Variants in ANO10 observed in about 807,000 individuals in gnomAD.
ANO10 encodes anoctamin-10.
A neutral mutation model predicts 74.7 loss-of-function variants in ANO10; 77 were observed. That is an observed-to-expected ratio of 1.03 (90% CI 0.86 to 1.25). The LOEUF (loss-of-function observed/expected upper bound fraction) is 1.25. Ranked by LOEUF, ANO10 falls within the 50% of genes most tolerant of loss-of-function variation. The probability of loss-of-function intolerance (pLI) is 0.00; values close to 1 mark genes in which losing one functional copy is unlikely to be tolerated. For missense variants in ANO10, 721 were observed against 778.1 expected (o/e 0.93, Z 0.87); for synonymous variants, 279 against 284.9 (o/e 0.98, Z 0.21).
At chr3:43,568,830 A>G (rs2080523761) in intron 7 of ANO10, among the ~76,000 whole-genome samples, 1 of 148,166 alleles carries the variant, frequency 6.7e-6, no homozygotes, top group Admixed American at 6.7e-5. Context: ...AGAAATAACT[A>G]AAATCAGAGC....
At chr3:43,626,027 G>C (rs1031062720), upstream of ANO10, among the ~76,000 whole-genome samples, 1 of 151,634 alleles carries the variant, frequency 6.6e-6, no homozygotes, top group Admixed American at 6.6e-5. Context: ...TCCGCCTCAC[G>C]GGTTCAAATG....
intron 9 of ANO10, among the ~76,000 whole-genome samples, chr3:43,556,258 TACC>T (rs2079744134): frequency 2.6e-5 from 4 of 152,240 alleles, no homozygotes; most frequent in Non-Finnish European, 4.4e-5. Flanking sequence ...GAAATCCTGA[TACC>T]CTATGCTCAG....
intron 4 of ANO10, among the ~76,000 whole-genome samples, chr3:43,592,622 T>A (rs906061489): frequency 6.6e-6 from 1 of 152,126 alleles, no homozygotes; most frequent in Non-Finnish European, 1.5e-5. Context: ...AGACCAAAGA[T>A]AGATAAAATC....
At chr3:43,419,038 T>TA (rs2092783065) in intron 12 of ANO10, among the ~76,000 whole-genome samples, 1 of 152,250 alleles carries the variant, frequency 6.6e-6, no homozygotes. Context: ...TGCCAACTCC[T>TA]AGCCCAGAGA....
At chr3:43,646,202 C>A (rs2149566026) in intron 1 of ANO10, among the ~76,000 whole-genome samples, 1 of 152,318 alleles carries the variant, frequency 6.6e-6, no homozygotes, top group South Asian at 2.1e-4. Flanking sequence ...TATAGATTAG[C>A]TTGTTTTAGT....
chr3:43,616,006 A>T (rs1017530521), intron 1 of ANO10, among the ~76,000 whole-genome samples: 1 of 152,178 alleles, frequency 6.6e-6, no homozygotes, highest in Non-Finnish European at 1.5e-5. Flanking sequence ...TTTCTTCACC[A>T]GATTAAAAGC....
intron 1 of ANO10, among the ~76,000 whole-genome samples, chr3:43,633,147 G>A (rs1411312761): frequency 1.3e-5 from 2 of 152,030 alleles, no homozygotes; most frequent in Non-Finnish European, 2.9e-5. Flanking sequence ...GACCTATCTC[G>A]TCCCCCCGGA....
chr3:43,422,403 C>G (rs2092833531), intron 12 of ANO10, among the ~76,000 whole-genome samples: 1 of 152,236 alleles, frequency 6.6e-6, no homozygotes, highest in African/African-American at 2.4e-5. Context: ...GTGTTAGCCA[C>G]CGCGCCCACC....
intron 1 of ANO10, among the ~76,000 whole-genome samples, chr3:43,654,974 CTT>C: frequency 6.6e-6 from 1 of 152,216 alleles, no homozygotes; most frequent in Non-Finnish European, 1.5e-5. Context: ...TGGTCACTGA[CTT>C]TATCTTTCTT....
chr3:43,547,578 G>A (rs936875380), intron 11 of ANO10, among the ~76,000 whole-genome samples: 1 of 152,082 alleles, frequency 6.6e-6, no homozygotes, highest in Admixed American at 6.5e-5. Context: ...AATGTGAAGA[G>A]ACAATAAATA....
intron 12 of ANO10, among the ~76,000 whole-genome samples, chr3:43,417,616 G>C (rs536237125): frequency 3.9e-5 from 6 of 151,944 alleles, no homozygotes; most frequent in Admixed American, 1.3e-4. Context: ...AATTTTCTTG[G>C]TGCAAGACGA....
intron 12 of ANO10, 119 bp downstream of exon 12, chr3:43,432,492 T>C (rs1431293582): frequency 2.3e-6 from 2 of 855,560 alleles, no homozygotes; most frequent in Non-Finnish European, 3.9e-6. Context: ...TGGAGTCCTC[T>C]GTATTCATTT....
intron 1 of ANO10, among the ~76,000 whole-genome samples, chr3:43,648,588 A>G (rs2083751443): frequency 6.6e-6 from 1 of 151,114 alleles, no homozygotes; most frequent in African/African-American, 2.4e-5. Context: ...GTAAACTGTC[A>G]TGGTGCTGGT....
At chr3:43,469,453 T>G (rs2075765825) in intron 11 of ANO10, among the ~76,000 whole-genome samples, 1 of 152,228 alleles carries the variant, frequency 6.6e-6, no homozygotes, top group Non-Finnish European at 1.5e-5. Flanking sequence ...GCACATGACC[T>G]GTCAAGAATC....
intron 11 of ANO10, among the ~76,000 whole-genome samples, chr3:43,513,037 A>T (rs2077569381): frequency 1.3e-5 from 2 of 152,212 alleles, no homozygotes; most frequent in African/African-American, 4.8e-5. Context: ...AAGAAGACAG[A>T]GCTGCAGAGC....
intron 12 of ANO10, among the ~76,000 whole-genome samples, chr3:43,374,949 C>T (rs1359081181): frequency 7.3e-5 from 11 of 150,858 alleles, no homozygotes; most frequent in East Asian, 2.0e-4. Context: ...AGTGAAACTC[C>T]GTCTCTACTA....
intron 9 of ANO10, among the ~76,000 whole-genome samples, chr3:43,556,006 A>G (rs1479261306): frequency 6.6e-6 from 1 of 152,238 alleles, no homozygotes; most frequent in Non-Finnish European, 1.5e-5. Flanking sequence ...CATAAACCTC[A>G]GAACTGGCAG....
chr3:43,470,626 T>G (rs372304731), intron 11 of ANO10, among the ~76,000 whole-genome samples: 1 of 135,868 alleles, frequency 7.4e-6, no homozygotes, highest in Non-Finnish European at 1.6e-5. Context: ...ATTTATTTAT[T>G]TATGTATTTA....
chr3:43,560,770 T>C (rs2127726), intron 9 of ANO10, among the ~76,000 whole-genome samples: 30,903 of 152,200 alleles, frequency 0.2, 4,315 homozygotes, highest in East Asian at 0.61. Flanking sequence ...ATTTATACAA[T>C]AGCACTAATG....
Sources: allele counts gnomAD v4.1 joint callset (sites outside exome capture counted in the v4.1 genomes callset), GRCh38; gene constraint gnomAD v4.1.1; transcripts MANE v1.5; gene names NCBI Gene and HGNC (gene_info 2026-07-23, HGNC 2026-07-21).